Variants in SEMA3E observed in about 807,000 individuals in gnomAD.
SEMA3E encodes the protein semaphorin 3E.
SEMA3E carries 49 observed loss-of-function variants against 93.6 expected under a neutral mutation model. That is an observed-to-expected ratio of 0.52 (90% confidence interval 0.42 to 0.66). SEMA3E has a LOEUF of 0.66. Among genes scored for constraint, SEMA3E ranks in the 30% least tolerant of loss-of-function variants. The pLI is 0.00. For missense variants in SEMA3E, 906 were observed against 964.8 expected, an observed-to-expected ratio of 0.94 and a Z score of 0.81; for synonymous variants, 363 against 330.7, an observed-to-expected ratio of 1.10 and a Z score of -1.06.
chr7:83,597,232 A>G (rs1792895332), intron 1 of SEMA3E, among the ~76,000 whole-genome samples: 1 of 152,182 alleles, frequency 6.6e-6, no homozygotes, highest in African/African-American at 2.4e-5. Flanking sequence ...CAGACTAGAC[A>G]AAGACCAAAG....
intron 1 of SEMA3E, among the ~76,000 whole-genome samples, chr7:83,600,848 A>ACC (rs775629473): frequency 6.6e-6 from 1 of 152,196 alleles, no homozygotes; most frequent in Non-Finnish European, 1.5e-5. Context: ...ACTAGACTCT[A>ACC]GAGAGTCATG....
chr7:83,622,738 C>G (rs1793590398), intron 1 of SEMA3E, among the ~76,000 whole-genome samples: 1 of 152,128 alleles, frequency 6.6e-6, no homozygotes, highest in Non-Finnish European at 1.5e-5. Flanking sequence ...GAACAGAAAA[C>G]CAAGCACAGC....
At chr7:83,404,162 G>A (rs539470304) in intron 9 of SEMA3E, among the ~76,000 whole-genome samples, 3 of 151,846 alleles carry the variant, frequency 2.0e-5, no homozygotes, top group Non-Finnish European at 2.9e-5. Flanking sequence ...CTCTCCATGC[G>A]CTGTGATAAC....
chr7:83,556,151 T>C (rs1791882579), intron 1 of SEMA3E, among the ~76,000 whole-genome samples: 1 of 152,170 alleles, frequency 6.6e-6, no homozygotes, highest in Non-Finnish European at 1.5e-5. Flanking sequence ...TTACTGATTT[T>C]CATGTAGGTA....
chr7:83,530,531 A>C (rs1488394366), intron 1 of SEMA3E, among the ~76,000 whole-genome samples: 1 of 152,306 alleles, frequency 6.6e-6, no homozygotes, highest in Non-Finnish European at 1.5e-5. Flanking sequence ...GGCAGGAGTA[A>C]ATTTTATTCA....
chr7:83,427,405 G>C (rs1482096694), intron 4 of SEMA3E, among the ~76,000 whole-genome samples: 1 of 151,950 alleles, frequency 6.6e-6, no homozygotes, highest in Admixed American at 6.6e-5. Flanking sequence ...AAGATATATT[G>C]ATCCAATTTA....
chr7:83,445,762 A>C (rs937386869), intron 4 of SEMA3E, among the ~76,000 whole-genome samples: 1 of 152,066 alleles, frequency 6.6e-6, no homozygotes, highest in African/African-American at 2.4e-5. Context: ...AGGTGGAATA[A>C]ATTATCTGAG....
intron 1 of SEMA3E, among the ~76,000 whole-genome samples, chr7:83,542,164 G>A (rs909116938): frequency 4.0e-5 from 6 of 150,786 alleles, no homozygotes; most frequent in Admixed American, 2.7e-4. Context: ...GCAACATAGT[G>A]AGAATCTGTC....
chr7:83,505,974 C>T (rs953192534), intron 1 of SEMA3E, among the ~76,000 whole-genome samples: 22 of 143,262 alleles, frequency 1.5e-4, no homozygotes, highest in Non-Finnish European at 2.4e-4. Flanking sequence ...GAGATGGCAC[C>T]ACTGCACTCC....
intron 10 of SEMA3E, among the ~76,000 whole-genome samples, chr7:83,402,306 A>T (rs1473507405): frequency 6.6e-6 from 1 of 152,018 alleles, no homozygotes. Flanking sequence ...GAGGAATACG[A>T]TGTTCATGTT....
chr7:83,584,655 A>G (rs552688231), intron 1 of SEMA3E, among the ~76,000 whole-genome samples: 2 of 152,246 alleles, frequency 1.3e-5, no homozygotes, highest in African/African-American at 4.8e-5. Context: ...TCTCCTGCCA[A>G]TGTCACTCCC....
intron 1 of SEMA3E, among the ~76,000 whole-genome samples, chr7:83,619,885 T>TGATA (rs761339773): frequency 1.8e-4 from 23 of 126,846 alleles, no homozygotes; most frequent in Middle Eastern, 4.2e-3. Flanking sequence ...GATAGATAGA[T>TGATA]GATAGATAGA....
chr7:83,449,429 T>G (rs1789307391), intron 4 of SEMA3E, among the ~76,000 whole-genome samples: 1 of 151,948 alleles, frequency 6.6e-6, no homozygotes, highest in Non-Finnish European at 1.5e-5. Flanking sequence ...TAAAAATATT[T>G]TATGCTTAAA....
chr7:83,546,000 T>C lies in SEMA3E; in HGVS notation c.116-55726A>G, dbSNP rs565565114. On this transcript the variant is annotated intron_variant, in intron 1 of 16. Transcript: ENST00000643230. ...ATTGAATAAGCTACATGGGGGCATA[T>C]TATATAAAAATATTATATATTATAT... 9.3e-3 allele frequency among the ~76,000 whole-genome samples: 1,360 copies of C among 146,852 alleles called. 8 individuals carry two copies. The highest frequency in any genetic ancestry group is 0.036 in the Middle Eastern group (10 of 278).
At chr7:83,448,589 A>T (rs1021565161) in intron 4 of SEMA3E, among the ~76,000 whole-genome samples, 1 of 152,234 alleles carries the variant, frequency 6.6e-6, no homozygotes, top group Admixed American at 6.5e-5. Context: ...TCATTGTTTC[A>T]GCAAATGTGA....
chr7:83,452,188 T>A (rs1297976818), intron 4 of SEMA3E, among the ~76,000 whole-genome samples: 1 of 151,972 alleles, frequency 6.6e-6, no homozygotes. Flanking sequence ...ATATTTTGAG[T>A]GAGAATCAAC....
intron 2 of SEMA3E, among the ~76,000 whole-genome samples, chr7:83,473,680 G>C (rs1789949470): frequency 6.6e-6 from 1 of 152,146 alleles, no homozygotes; most frequent in Non-Finnish European, 1.5e-5. Context: ...TATTCCTCTG[G>C]AGTTGAAATG....
intron 7 of SEMA3E, among the ~76,000 whole-genome samples, chr7:83,406,534 A>C (rs896029156): frequency 8.6e-5 from 13 of 151,460 alleles, no homozygotes; most frequent in Non-Finnish European, 1.8e-4. Flanking sequence ...CACACACACA[A>C]TATATATATG....
chr7:83,602,869 C>T (rs1046560184), intron 1 of SEMA3E, among the ~76,000 whole-genome samples: 1 of 151,846 alleles, frequency 6.6e-6, no homozygotes, highest in Admixed American at 6.6e-5. Flanking sequence ...TACAATTTGC[C>T]CATGTGATTC....
Sources: gnomAD v4.1 joint callset for allele counts (sites outside exome capture counted in the v4.1 genomes callset) on GRCh38, gnomAD v4.1.1 for gene constraint, MANE v1.5 for transcripts, NCBI Gene and HGNC (gene_info 2026-07-23, HGNC 2026-07-21) for gene names.